Variants in EPPK1 observed in about 807,000 individuals in gnomAD.
EPPK1 encodes epiplakin.
For synonymous variants in EPPK1, 1,862 were observed against 1,721.2 expected (o/e 1.08, Z -2.03); for missense variants, 3,823 against 3,673.3 (o/e 1.04, Z -1.05).
At position 143,866,402 on chromosome 8, in the gene EPPK1, C is replaced by G. The variant is rs1819107696; in HGVS notation, c.6852G>C (p.Glu2284Asp). ...CCACCACGCCCGCGGCCACGGCCTCCTCCACCGACAGCCTCAGGTTGCGCA... is the reference window on the plus strand; with the variant it reads ...CCACCACGCCCGCGGCCACGGCCTCGTCCACCGACAGCCTCAGGTTGCGCA... ...DPVRNLRLSV[E>D]EAVAAGVVGG... Residue 2284 changes from glutamate (E) to aspartate (D), a missense_variant, in exon 2 of 2, where the codon GAG becomes GAC. Glu to Asp is a conservative substitution (Grantham distance 45, BLOSUM62 2). Transcript: ENST00000615648. 1 of 1,125,388 alleles carries G rather than the reference C, an allele frequency of 8.9e-7. No homozygotes were observed. Among genetic ancestry groups the G allele is most frequent in the African/African-American group, 1.8e-5 (1 of 56,974 alleles). 69.7% of individuals were successfully genotyped at this position (1,125,388 alleles called of 1,614,324 possible).
Position 143,869,583 on chromosome 8 carries a change from T to C in EPPK1, c.3671A>G (p.Gln1224Arg), listed in dbSNP as rs1819266288. The change falls in exon 2 of 2, where the codon CAG (glutamine) becomes CGG (arginine). Residue 1224 changes from glutamine (Q) to arginine (R), a missense_variant. Physicochemically the swap from Gln to Arg is conservative, Grantham distance 43. Transcript: ENST00000615648. ...GACCTGGGCGGGCGACTGCGTGCCC[T>C]GAGCCAGGGCCTCAAGGGTCTCCTG... The part of the protein sequence containing the change: ...ITQETLEALA[Q>R]GTQSPAQVAE... The C allele has an allele frequency of 1.3e-5, 20 of 1,562,754 alleles. No homozygotes were observed. The highest frequency in any genetic ancestry group is 1.6e-5 in the Non-Finnish European group (19 of 1,154,662).
At position 143,869,909 on chromosome 8, in the gene EPPK1, C is replaced by T; in HGVS notation, c.3345G>A (p.Leu1115=). The change falls in exon 2 of 2, where the codon CTG becomes CTA. Residue 1115 remains leucine, a synonymous_variant. Coordinates refer to ENST00000615648, the MANE Select transcript of EPPK1 (RefSeq NM_031308.4). The part of the protein sequence containing the change: ...DETSGLHLLP[L]PESAPALPTE... ...TGGGGAGGGCAGGAGCACTTTCTGG[C>T]AGGGGCAGGAGGTGAAGGCCAGAAG... 1.2e-6 allele frequency: 2 copies of T among 1,608,970 alleles called. No individual in the cohort carries two copies. Among genetic ancestry groups the T allele is most frequent in the Admixed American group, 1.7e-5 (1 of 59,588 alleles).
Position 143,870,420 on chromosome 8 carries a change from C to G in EPPK1, c.2834G>C (p.Ser945Thr). The part of the protein sequence containing the change: ...VRLLPSGQRL[S>T]LYQAMRQKLL... Reference sequence around the variant, plus strand: ...CTTCTGCCTCATGGCCTGGTAGAGGCTGAGCCGCTGGCCAGAGGGCAGCAG... The same window carrying G: ...CTTCTGCCTCATGGCCTGGTAGAGGGTGAGCCGCTGGCCAGAGGGCAGCAG... The change falls in exon 2 of 2, where the codon AGC becomes ACC. Residue 945 changes from serine (S) to threonine (T), a missense_variant. Ser to Thr is a moderately conservative substitution (Grantham distance 58). Transcript: ENST00000615648. The surrounding 1 kb of genome is among the most constrained non-coding windows in gnomAD (Gnocchi z 5.2). 6.3e-7 allele frequency: 1 copy of G among 1,592,870 alleles called. No individual in the cohort carries two copies. Among genetic ancestry groups the G allele is most frequent in the Non-Finnish European group, 8.5e-7 (1 of 1,174,844 alleles).
In EPPK1 at chr8:143,867,980, T is replaced by G; in HGVS notation, c.5274A>C (p.Gln1758His). 1 of 1,613,674 alleles carries G rather than the reference T, an allele frequency of 6.2e-7. No individual in the cohort carries two copies. The highest frequency in any genetic ancestry group is 8.5e-7 in the Non-Finnish European group (1 of 1,179,978). ...CGTAGTTTTCTCCTTTCTTTATGAT[T>G]TGTAGCAGGTACAGGCCCGTCTCGG... Reference protein sequence around the residue: ...EDPETGLYLLQIIKKGENYVY... With the variant: ...EDPETGLYLLHIIKKGENYVY... The change falls in exon 2 of 2, where the codon CAA (glutamine) becomes CAC (histidine). Residue 1758 changes from glutamine to histidine, a missense_variant. Coordinates refer to ENST00000615648, the MANE Select transcript of EPPK1 (RefSeq NM_031308.4).
Position 143,872,459 on chromosome 8 carries a change from C to G in EPPK1, c.795G>C (p.Arg265Ser). Reference protein sequence around the residue: ...EQAVQGLREGRLAAVDVSARA... With the variant: ...EQAVQGLREGSLAAVDVSARA... ...GTGCACTCACGTCCACTGCGGCCAG[C>G]CTGCCCTCCCGCAGACCCTGCACAG... The change falls in exon 2 of 2, where the codon AGG becomes AGC. Residue 265 changes from arginine to serine, a missense_variant. Physicochemically the swap from Arg to Ser is moderately radical, Grantham distance 110. Coordinates refer to ENST00000615648, the MANE Select transcript of EPPK1 (RefSeq NM_031308.4). The G allele has an allele frequency of 6.3e-7, 1 of 1,593,440 alleles. No individual in the cohort carries two copies. The highest frequency in any genetic ancestry group is 8.5e-7 in the Non-Finnish European group (1 of 1,175,728).
chr8:143,872,905 G>C lies in EPPK1; in HGVS notation c.349C>G (p.Arg117Gly). ...GGGTCAGGATAGCCCGTAGTGGCAC[G>C]CTCAGCGGCCAGCAGCTTCTCCTTC... ...ELKEKLLAAE[R>G]ATTGYPDPYG... is the part of the protein sequence containing the mutation. Residue 117 changes from arginine (R) to glycine (G), a missense_variant, in exon 2 of 2, where the codon CGT becomes GGT. Transcript: ENST00000615648. The C allele has an allele frequency of 6.2e-7, 1 of 1,606,564 alleles. No homozygotes were observed. The highest frequency in any genetic ancestry group is 1.1e-5 in the South Asian group (1 of 90,552).
At chr8:143,878,409 A>ACCTGCCCGCACCCGCCGCACCTGCCCGCC (rs1819529310) in intron 1 of EPPK1, 29 bp downstream of exon 1, 1 of 91,592 alleles carries the variant, frequency 1.1e-5, no homozygotes, top group African/African-American at 4.8e-5. Context: ...CACCCGCCGC[A>ACCTGCCCGCACCCGCCGCACCTGCCCGCC]CCCGCCGCAC....
rs1268700538 is a variant in EPPK1 at position 143,869,106 on chromosome 8, C to T, written c.4148G>A (p.Gly1383Asp). 2.5e-6 allele frequency: 4 copies of T among 1,606,504 alleles called. No homozygotes were observed. Among genetic ancestry groups the T allele is most frequent in the Admixed American group, 3.3e-5 (2 of 59,964 alleles). Residue 1383 changes from glycine to aspartate, a missense_variant, in exon 2 of 2, where the codon GGC becomes GAC. Physicochemically the swap from Gly to Asp is moderately conservative, Grantham distance 94. Transcript: ENST00000615648. ...HLPQAAACRL[G>D]LLDTQTSQVL... is the part of the protein sequence containing the mutation. ...CTGGCTCGTCTGTGTGTCCAGAAGG[C>T]CGAGTCTGCAGGCTGCCGCCTGGGG...
Position 143,871,355 on chromosome 8 carries a change from C to T in EPPK1, c.1899G>A (p.Gly633=), listed in dbSNP as rs1554661113. ...RLSIYEARCK[G]LLRPGTALIL... Reference sequence around the variant, plus strand: ...TGAGGGCAGTGCCGGGCCGGAGGAGCCCCTTGCATCGGGCCTCATAGATGC... The same window carrying T: ...TGAGGGCAGTGCCGGGCCGGAGGAGTCCCTTGCATCGGGCCTCATAGATGC... The change falls in exon 2 of 2, where the codon GGG becomes GGA. Residue 633 remains glycine, a synonymous_variant. Transcript: ENST00000615648. The T allele has an allele frequency of 1.9e-6, 3 of 1,609,514 alleles. No individual in the cohort carries two copies. Among genetic ancestry groups the T allele is most frequent in the African/African-American group, 2.7e-5 (2 of 74,874 alleles).
chr8:143,868,787 G>A lies in EPPK1; in HGVS notation c.4467C>T (p.Leu1489=), dbSNP rs1554660087. ...GGGCCGCAGCCCTCCCAGACCGACA[G>A]AGTGCCACCAGCTCCCGCCGCTTGT... ...GADKRRELVA[L]CRSGRAAALR... The change falls in exon 2 of 2, where the codon CTC becomes CTT. Residue 1489 remains leucine, a synonymous_variant. Transcript: ENST00000615648. 6.2e-7 allele frequency: 1 copy of A among 1,600,554 alleles called. No individual in the cohort carries two copies. Among genetic ancestry groups the A allele is most frequent in the Non-Finnish European group, 8.5e-7 (1 of 1,178,180 alleles).
chr8:143,874,001 T>C (rs1327728027), intron 1 of EPPK1, among the ~76,000 whole-genome samples: 1 of 152,174 alleles, frequency 6.6e-6, no homozygotes, highest in African/African-American at 2.4e-5. Flanking sequence ...ATCTCACATC[T>C]GCGAGCACCA....
chr8:143,873,601 T>A (rs1819425124), intron 1 of EPPK1, among the ~76,000 whole-genome samples: 1 of 151,860 alleles, frequency 6.6e-6, no homozygotes, highest in African/African-American at 2.4e-5. Flanking sequence ...GCCAACGCCC[T>A]CCCGCCAGCC....
At position 143,867,053 on chromosome 8, in the gene EPPK1, C is replaced by T. The variant is rs782110508; in HGVS notation, c.6201G>A (p.Glu2067=). The change falls in exon 2 of 2, where the codon GAG becomes GAA. Residue 2067 remains glutamate, a synonymous_variant. Coordinates refer to ENST00000615648, the MANE Select transcript of EPPK1 (RefSeq NM_031308.4). ...PNTQEKVSYR[E]LQERCRPQED... is the part of the protein sequence containing the mutation. Reference sequence around the variant, plus strand: ...CTTGTGGGCGGCACCTCTCCTGCAGCTCTCGGTACGAGACCTTCTCTTGCG... The same window carrying T: ...CTTGTGGGCGGCACCTCTCCTGCAGTTCTCGGTACGAGACCTTCTCTTGCG... 1.2e-6 allele frequency: 2 copies of T among 1,612,928 alleles called. No homozygotes were observed. Among genetic ancestry groups the T allele is most frequent in the South Asian group, 2.2e-5 (2 of 91,086 alleles).
rs2130589373 is a variant in EPPK1 at position 143,857,652 on chromosome 8, GGACTGA to G, written c.*329_*334del. The G allele has an allele frequency of 3.2e-6, 1 of 310,650 alleles. No homozygotes were observed. Among genetic ancestry groups the G allele is most frequent in the African/African-American group, 2.1e-5 (1 of 46,674 alleles). 19.2% of individuals were successfully genotyped at this position (310,650 alleles called of 1,614,324 possible). On this transcript the variant is annotated 3_prime_UTR_variant, in exon 2 of 2. Transcript: ENST00000615648. Reference sequence around the variant, plus strand: ...CAACAAGAGTACCCGATGGCATGATGGACTGAGAGTCTAAAGAGTGACATTCTGTAA... The same window carrying G: ...CAACAAGAGTACCCGATGGCATGATGGAGTCTAAAGAGTGACATTCTGTAA...
At position 143,872,003 on chromosome 8, in the gene EPPK1, G is replaced by A. The variant is rs782189602; in HGVS notation, c.1251C>T (p.Ala417=). The A allele has an allele frequency of 1.1e-5, 17 of 1,575,296 alleles. No homozygotes were observed. The highest frequency in any genetic ancestry group is 2.7e-5 in the African/African-American group (2 of 74,216). ...CATCCAGGCAGCCGCAGCGCAGGGCGGCCTCCAGGGGCAGCCGGAGCCTGC... is the reference window on the plus strand; with the variant it reads ...CATCCAGGCAGCCGCAGCGCAGGGCAGCCTCCAGGGGCAGCCGGAGCCTGC... ...PARRLRLPLE[A]ALRCGCLDED... The change falls in exon 2 of 2, where the codon GCC becomes GCT. Residue 417 remains alanine (A), a synonymous_variant. Transcript: ENST00000615648.
In EPPK1 at chr8:143,869,149, C is replaced by T; in HGVS notation, c.4105G>A (p.Val1369Ile). The T allele has an allele frequency of 2.5e-6, 4 of 1,606,674 alleles. No individual in the cohort carries two copies. Among genetic ancestry groups the T allele is most frequent in the Non-Finnish European group, 3.4e-6 (4 of 1,179,470 alleles). Residue 1369 changes from valine (V) to isoleucine (I), a missense_variant, in exon 2 of 2, where the codon GTC becomes ATC. Val to Ile is a conservative substitution (Grantham distance 29, BLOSUM62 3). Coordinates refer to ENST00000615648, the MANE Select transcript of EPPK1 (RefSeq NM_031308.4). ...GCCTGGGGCAGGTGCACCCCGTGGA[C>T]AGGGTCCACCACACCCCCTGTGGCC... ...QLATGGVVDP[V>I]HGVHLPQAAA...
Position 143,870,794 on chromosome 8 carries a change from G to A in EPPK1, c.2460C>T (p.Ser820=), listed in dbSNP as rs782319201. 1.3e-5 allele frequency: 21 copies of A among 1,612,578 alleles called. No homozygotes were observed. The highest frequency in any genetic ancestry group is 2.7e-5 in the African/African-American group (2 of 74,922). The change falls in exon 2 of 2, where the codon TCC becomes TCT. Residue 820 remains serine (S), a synonymous_variant. Transcript: ENST00000615648. The surrounding 1 kb of genome is among the most constrained non-coding windows in gnomAD (Gnocchi z 5.2). ...TQQAFQNLLL[S]VKYGRFQGQR... ...GCCCCTGAAACCGTCCATACTTCACGGAGAGCAGCAGGTTCTGGAAGGCCT... is the reference window on the plus strand; with the variant it reads ...GCCCCTGAAACCGTCCATACTTCACAGAGAGCAGCAGGTTCTGGAAGGCCT...
Position 143,868,373 on chromosome 8 carries a change from C to A in EPPK1, c.4881G>T (p.Glu1627Asp). 6.2e-7 allele frequency: 1 copy of A among 1,612,860 alleles called. No individual in the cohort carries two copies. Among genetic ancestry groups the A allele is most frequent in the South Asian group, 1.1e-5 (1 of 91,076 alleles). ...PVENRKLTVE[E>D]AFKAGMFGKE... The stretch of plus-strand genomic sequence containing the variant: ...TCCCGAACATTCCTGCTTTGAACGC[C>A]TCCTCCACGGTCAGCTTCCGGTTCT... Residue 1627 changes from glutamate (E) to aspartate (D), a missense_variant, in exon 2 of 2, where the codon GAG (glutamate) becomes GAT (aspartate). Coordinates refer to ENST00000615648, the MANE Select transcript of EPPK1 (RefSeq NM_031308.4).
rs782273128 is a variant in EPPK1 at position 143,871,451 on chromosome 8, C to T, written c.1803G>A (p.Ser601=). The change falls in exon 2 of 2, where the codon TCG becomes TCA. Residue 601 remains serine, a synonymous_variant. Transcript: ENST00000615648. ...CCGTACCCTGCAGGTACCTCTGCAC[C>T]GAGGCCAGGCTGCCCACATCCTTGG... ...ATAKDVGSLA[S]VQRYLQGTGC... is the part of the protein sequence containing the mutation. 1.5e-5 allele frequency: 24 copies of T among 1,606,230 alleles called. No homozygotes were observed. The East Asian group carries it at 2.2e-4, about 15-fold the overall frequency.
Sources: allele counts gnomAD v4.1 joint callset (sites outside exome capture counted in the v4.1 genomes callset), GRCh38; gene constraint gnomAD v4.1.1; non-coding constraint Gnocchi (gnomAD v3.1); transcripts MANE v1.5; gene names NCBI Gene and HGNC (gene_info 2026-07-23, HGNC 2026-07-21).